Variants in ZNF280C observed in about 807,000 individuals in gnomAD.
ZNF280C encodes zinc finger protein 280C.
A neutral mutation model predicts 53.6 loss-of-function variants in ZNF280C; 14 were observed. That is an observed-to-expected ratio of 0.26 (90% CI 0.17 to 0.41). The LOEUF (loss-of-function observed/expected upper bound fraction) is 0.41, where lower values mean the gene tolerates loss of function less well. Among genes scored for constraint, ZNF280C ranks in the 10% least tolerant of loss-of-function variants. The pLI is 1.00. For missense variants in ZNF280C, 416 were observed against 547.1 expected, an observed-to-expected ratio of 0.76 and a Z score of 2.39; for synonymous variants, 203 against 181.1, an observed-to-expected ratio of 1.12 and a Z score of -0.97.
intron 5 of ZNF280C, among the ~76,000 whole-genome samples, chrX:130,240,063 A>G (rs2032373547): frequency 9.0e-6 from 1 of 111,701 alleles, no homozygotes; most frequent in South Asian, 3.6e-4. Flanking sequence ...CCAATTACTC[A>G]ATTTCTAAGA....
At chrX:130,235,730 T>C (rs2032325160) in intron 8 of ZNF280C, among the ~76,000 whole-genome samples, 1 of 111,982 alleles carries the variant, frequency 8.9e-6, no homozygotes, top group Admixed American at 9.5e-5. Context: ...ATATTCTAAG[T>C]GCTCTCTCCT....
At chrX:130,211,749 CTT>C (rs763274245) in intron 15 of ZNF280C, among the ~76,000 whole-genome samples, 16 of 111,768 alleles carry the variant, frequency 1.4e-4, no homozygotes, top group Non-Finnish European at 2.6e-4. Context: ...ATGAAGGTAA[CTT>C]TAGGTCAATT....
In ZNF280C at chrX:130,239,660, T is replaced by C. The variant is rs752293719; in HGVS notation, c.415A>G (p.Asn139Asp). The change falls in exon 6 of 19, where the codon AAT (asparagine) becomes GAT (aspartate). Residue 139 changes from asparagine to aspartate, a missense_variant. By Grantham distance (23) the Asn-to-Asp change is conservative (BLOSUM62 1). Coordinates refer to ENST00000370978, the MANE Select transcript of ZNF280C (RefSeq NM_017666.5). ...GAGTCAAACAGTAAAATTGAAGAATTATCCGATCCAACTTGTGAATTCTTT... is the reference window on the plus strand; with the variant it reads ...GAGTCAAACAGTAAAATTGAAGAATCATCCGATCCAACTTGTGAATTCTTT... ...FTKNSQVGSD[N>D]SSILLFDSTQ... 1.7e-6 allele frequency: 2 copies of C among 1,196,184 alleles called. No individual in the cohort carries two copies. The highest frequency in any genetic ancestry group is 3.0e-5 in the East Asian group (1 of 33,717).
Position 130,233,574 on chromosome X carries a change from A to T in ZNF280C, c.771+2640T>A, listed in dbSNP as rs183180737. Among the ~76,000 whole-genome samples, 11 of 103,118 alleles carry T rather than the reference A, an allele frequency of 1.1e-4. No homozygotes were observed. The East Asian group carries it at 3.4e-3, about 32-fold the overall frequency. The allele number at this position is 103,118 out of a possible 115,157, so 89.5% of individuals were successfully genotyped here. A position where few individuals can be genotyped will look rare whatever the true frequency, so the allele number is the denominator to read the frequency against. On this transcript the variant is annotated intron_variant, in intron 8 of 18. Transcript: ENST00000370978. ...GAGGTTGCGGTTGTGGTCAGCCGAG[A>T]TTACACCATTGCACTCTAGCCTGGG...
intron 8 of ZNF280C, among the ~76,000 whole-genome samples, chrX:130,233,256 T>G (rs1357806963): frequency 1.8e-5 from 2 of 111,420 alleles, no homozygotes; most frequent in Admixed American, 1.9e-4. Flanking sequence ...TTATTCAAGA[T>G]GAATAAGTCC....
rs756416363 is a variant in ZNF280C, at chrX:130,242,000, CG to C, written c.381+1562del. On this transcript the variant is annotated intron_variant, in intron 5 of 18. Transcript: ENST00000370978. ...TCTGTAATTCCACACTTTGGGAAGC[CG>C]GGGGGGGGCGGGTGGCAGATCACCT... Among the ~76,000 whole-genome samples the C allele has an allele frequency of 1.2e-3, 72 of 61,107 alleles. 1 individual carries two copies. The highest frequency in any genetic ancestry group is 0.011 in the South Asian group (12 of 1,130). 53.1% of individuals were successfully genotyped at this position (61,107 alleles called of 115,157 possible).
intron 2 of ZNF280C, among the ~76,000 whole-genome samples, chrX:130,255,148 T>TC (rs1352907269): frequency 9.9e-5 from 10 of 101,127 alleles, no homozygotes; most frequent in Non-Finnish European, 1.8e-4. Flanking sequence ...TTTCTTTTTT[T>TC]TTTTTTTTTT....
rs763789618 is a variant in ZNF280C, at chrX:130,214,103, T to A, written c.1979+1090A>T. On this transcript the variant is annotated intron_variant, in intron 15 of 18. Transcript: ENST00000370978. ...GCATGAGCCATTGTGCCTGGCTAGT[T>A]GTATCTTATTTCTAACTGAAAATAA... 7.7e-4 allele frequency among the ~76,000 whole-genome samples: 86 copies of A among 111,813 alleles called. No individual in the cohort carries two copies. The South Asian group carries it at 0.03, about 39-fold the overall frequency.
intron 12 of ZNF280C, among the ~76,000 whole-genome samples, chrX:130,223,717 AAAAATGTAT>A (rs1421686013): frequency 2.7e-5 from 3 of 112,249 alleles, no homozygotes; most frequent in African/African-American, 9.7e-5. Context: ...TCCTTTGTTA[AAAAATGTAT>A]AAACTGCATT....
intron 12 of ZNF280C, among the ~76,000 whole-genome samples, chrX:130,225,258 G>A (rs1603241442): frequency 9.0e-6 from 1 of 110,822 alleles, no homozygotes; most frequent in East Asian, 2.8e-4. Flanking sequence ...TAATTAGACA[G>A]TCAGAGATAC....
intron 15 of ZNF280C, among the ~76,000 whole-genome samples, chrX:130,214,723 T>C (rs938053287): frequency 1.8e-5 from 2 of 112,034 alleles, no homozygotes; most frequent in Non-Finnish European, 3.8e-5. Flanking sequence ...TATTACATAG[T>C]TTTATACTGT....
chrX:130,245,225 C>T (rs191670120), intron 3 of ZNF280C, among the ~76,000 whole-genome samples: 19 of 111,682 alleles, frequency 1.7e-4, no homozygotes, highest in Non-Finnish European at 2.4e-4. Flanking sequence ...TCTCTTGAAA[C>T]GAATACACAT....
intron 1 of ZNF280C, among the ~76,000 whole-genome samples, chrX:130,265,031 C>A (rs2032673382): frequency 8.9e-6 from 1 of 111,956 alleles, no homozygotes; most frequent in Non-Finnish European, 1.9e-5. Flanking sequence ...AAAATAGAGG[C>A]TCTTCATATT....
At chrX:130,241,962 G>A (rs865994640) in intron 5 of ZNF280C, among the ~76,000 whole-genome samples, 1 of 100,154 alleles carries the variant, frequency 1.0e-5, no homozygotes, top group Non-Finnish European at 2.0e-5. Context: ...TCAGCTGGGC[G>A]TGGTGGCTCA....
Position 130,239,582 on chromosome X carries a change from C to T in ZNF280C, c.493G>A (p.Gly165Ser). ...SQDIPAIFRE[G>S]MKNTSYVLKH... ...TTTATGAAAGAGTGCTAAACCAAAC[C>T]TTCTCTAAAAATTGCTGGTATGTCT... Residue 165 changes from glycine (G) to serine (S), a missense_variant and splice_region_variant, in exon 6 of 19, where the codon GGT becomes AGT. Physicochemically the swap from Gly to Ser is moderately conservative, Grantham distance 56 (BLOSUM62 0). This residue lies in a region of ZNF280C where 193 missense variants were observed against 201.4 expected (regional missense o/e 0.96). Transcript: ENST00000370978. The T allele has an allele frequency of 8.8e-7, 1 of 1,140,188 alleles. No individual in the cohort carries two copies. Among genetic ancestry groups the T allele is most frequent in the Non-Finnish European group, 1.2e-6 (1 of 837,000 alleles). 94.0% of individuals were successfully genotyped at this position (1,140,188 alleles called of 1,213,427 possible). A position where few individuals can be genotyped will look rare whatever the true frequency, so the allele number is the denominator to read the frequency against.
At chrX:130,264,592 T>C (rs1206221254) in intron 1 of ZNF280C, among the ~76,000 whole-genome samples, 1 of 110,988 alleles carries the variant, frequency 9.0e-6, no homozygotes, top group Non-Finnish European at 1.9e-5. Flanking sequence ...GCAATGACCA[T>C]ATGGTTAGCT....
chrX:130,265,172 GTC>G (rs753703483), intron 1 of ZNF280C, among the ~76,000 whole-genome samples: 3 of 111,604 alleles, frequency 2.7e-5, no homozygotes, highest in South Asian at 7.4e-4. Context: ...TTCAACTTTT[GTC>G]TCTGTTAATT....
At chrX:130,252,460 G>A (rs1173457439) in intron 2 of ZNF280C, among the ~76,000 whole-genome samples, 2 of 111,656 alleles carry the variant, frequency 1.8e-5, no homozygotes, top group Non-Finnish European at 3.8e-5. Context: ...GGTGGCTCAG[G>A]CCTGTAATCC....
At chrX:130,234,594 T>C (rs1380411726) in intron 8 of ZNF280C, among the ~76,000 whole-genome samples, 1 of 112,368 alleles carries the variant, frequency 8.9e-6, no homozygotes, top group Non-Finnish European at 1.9e-5. Flanking sequence ...ACAATTCCTT[T>C]TCCTAAGTTG....
Sources: allele counts gnomAD v4.1 joint callset (sites outside exome capture counted in the v4.1 genomes callset), GRCh38; gene constraint gnomAD v4.1.1; regional missense constraint gnomAD v4.1.1; transcripts MANE v1.5; gene names NCBI Gene and HGNC (gene_info 2026-07-23, HGNC 2026-07-21).